Variants in ITPK1 observed in about 807,000 individuals in gnomAD.
ITPK1 encodes inositol 1,3,4-trisphosphate 5/6-kinase.
In ITPK1, 21 loss-of-function variants were observed where a neutral mutation model predicts 45.3. The observed-to-expected ratio is 0.46, with a 90% CI of 0.33 to 0.67. The LOEUF (loss-of-function observed/expected upper bound fraction) is 0.67, where lower values mean the gene tolerates loss of function less well. Ranked by LOEUF, ITPK1 falls within the 30% of genes least tolerant of loss-of-function variation. The pLI is 0.02. For synonymous variants in ITPK1, 258 were observed against 253.6 expected (o/e 1.02, Z -0.16); for missense variants, 474 against 573.5 (o/e 0.83, Z 1.77).
intron 5 of ITPK1, among the ~76,000 whole-genome samples, chr14:92,970,272 C>T (rs1040665408): frequency 1.3e-5 from 2 of 152,230 alleles, no homozygotes; most frequent in Non-Finnish European, 2.9e-5. Flanking sequence ...CTTGGGCACA[C>T]GACTTAACTC....
chr14:93,058,565 G>A (rs1226528972), intron 3 of ITPK1, among the ~76,000 whole-genome samples: 1 of 7,822 alleles, frequency 1.3e-4, no homozygotes, highest in Non-Finnish European at 2.9e-4. Flanking sequence ...GAAGCGGTGC[G>A]GGTTACAAGG....
chr14:93,025,482 A>G (rs1192214236), intron 3 of ITPK1, among the ~76,000 whole-genome samples: 1 of 152,166 alleles, frequency 6.6e-6, no homozygotes, highest in Non-Finnish European at 1.5e-5. Context: ...AGTTTTTATC[A>G]TTAAATCTTA....
intron 2 of ITPK1, among the ~76,000 whole-genome samples, chr14:93,109,717 G>T (rs1016534188): frequency 7.2e-5 from 11 of 152,162 alleles, no homozygotes; most frequent in African/African-American, 2.4e-4. Context: ...ACAGAACCCC[G>T]CTGTGATGCT....
intron 3 of ITPK1, among the ~76,000 whole-genome samples, chr14:93,018,562 A>G (rs867694553): frequency 3.9e-5 from 6 of 152,298 alleles, no homozygotes; most frequent in African/African-American, 1.2e-4. Context: ...AGACCTCACA[A>G]TAAGAAACTA....
At chr14:93,107,862 C>T (rs1368620106) in intron 2 of ITPK1, among the ~76,000 whole-genome samples, 1 of 152,218 alleles carries the variant, frequency 6.6e-6, no homozygotes, top group Non-Finnish European at 1.5e-5. Flanking sequence ...AGGGCAGCTG[C>T]TTTCTGAGCA....
At chr14:92,955,228 T>C (rs112099580) in intron 8 of ITPK1, among the ~76,000 whole-genome samples, 3 of 152,374 alleles carry the variant, frequency 2.0e-5, no homozygotes, top group African/African-American at 7.2e-5. Flanking sequence ...CAGCTGCTTT[T>C]GCACTACAAC....
chr14:92,985,012 C>G (rs551075798), intron 5 of ITPK1, among the ~76,000 whole-genome samples: 10 of 152,298 alleles, frequency 6.6e-5, no homozygotes, highest in Non-Finnish European at 1.0e-4. Context: ...GCTGAGCAGA[C>G]AGAAGACATC....
chr14:93,025,183 C>T (rs180946785), intron 3 of ITPK1, among the ~76,000 whole-genome samples: 192 of 151,602 alleles, frequency 1.3e-3, no homozygotes, highest in African/African-American at 4.6e-3. Flanking sequence ...CGACACAGCA[C>T]ACCACTGTCA....
At chr14:93,024,018 G>C (rs1480940213) in intron 3 of ITPK1, among the ~76,000 whole-genome samples, 1 of 152,154 alleles carries the variant, frequency 6.6e-6, no homozygotes, top group Non-Finnish European at 1.5e-5. Flanking sequence ...GTCCTGTCCT[G>C]GGGGGAAAGT....
At chr14:92,973,965 G>A (rs879544247) in intron 5 of ITPK1, among the ~76,000 whole-genome samples, 11 of 152,182 alleles carry the variant, frequency 7.2e-5, no homozygotes, top group East Asian at 3.9e-4. Flanking sequence ...TGCCTTGCCC[G>A]CAGGCAGGGC....
At chr14:93,097,525 C>T (rs78319906) in intron 2 of ITPK1, among the ~76,000 whole-genome samples, 9,907 of 152,218 alleles carry the variant, frequency 0.065, 1,052 homozygotes, top group African/African-American at 0.22. Context: ...ACCAGAGCTA[C>T]GCAGCAAAGC....
chr14:93,022,381 C>T (rs1390373244), intron 3 of ITPK1, among the ~76,000 whole-genome samples: 1 of 152,160 alleles, frequency 6.6e-6, no homozygotes, highest in African/African-American at 2.4e-5. Flanking sequence ...AAGGGCTAGT[C>T]AAGAGCCACT....
intron 5 of ITPK1, among the ~76,000 whole-genome samples, chr14:92,964,777 C>A (rs1885261238): frequency 1.3e-5 from 2 of 152,186 alleles, no homozygotes; most frequent in Admixed American, 1.3e-4. Flanking sequence ...GCAGGTGAAT[C>A]AGCTTGGCTT....
At chr14:92,952,353 C>A (rs746055994) in intron 8 of ITPK1, among the ~76,000 whole-genome samples, 2 of 152,168 alleles carry the variant, frequency 1.3e-5, no homozygotes, top group African/African-American at 2.4e-5. Flanking sequence ...GGTGGGACAG[C>A]TAAACACCTG....
intron 9 of ITPK1, among the ~76,000 whole-genome samples, chr14:92,949,311 G>A (rs1887846706): frequency 6.6e-6 from 1 of 152,140 alleles, no homozygotes. Flanking sequence ...CGTTTCCCAG[G>A]CTGGTCTCAA....
At chr14:92,995,266 C>CCCCCT (rs755353905) in intron 4 of ITPK1, among the ~76,000 whole-genome samples, 3 of 152,204 alleles carry the variant, frequency 2.0e-5, no homozygotes, top group Non-Finnish European at 4.4e-5. Context: ...CCCAGCCAGC[C>CCCCCT]CCCCTGCCCT....
chr14:92,957,114 G>A (rs916200710), intron 8 of ITPK1, among the ~76,000 whole-genome samples: 1 of 152,250 alleles, frequency 6.6e-6, no homozygotes, highest in African/African-American at 2.4e-5. Flanking sequence ...CCTCCATGCC[G>A]GGCGGCACAC....
At position 92,938,825 on chromosome 14, in the gene ITPK1, C is replaced by T. The variant is rs1234703128; in HGVS notation, c.*2736G>A. On this transcript the variant is annotated 3_prime_UTR_variant, in exon 11 of 11. Transcript: ENST00000267615. Reference sequence around the variant, plus strand: ...GGGTTATGTTTGCAGAATCACATCACCATATAATCAAAGCACTGTCAGGCA... The same window carrying T: ...GGGTTATGTTTGCAGAATCACATCATCATATAATCAAAGCACTGTCAGGCA... The T allele has an allele frequency of 1.8e-6, 1 of 543,434 alleles. No individual in the cohort carries two copies. Among genetic ancestry groups the T allele is most frequent in the Admixed American group, 3.3e-5 (1 of 30,714 alleles). The allele number at this position is 543,434 out of a possible 1,614,324, so 33.7% of individuals were successfully genotyped here.
At chr14:93,095,959 G>C (rs114811512) in intron 2 of ITPK1, among the ~76,000 whole-genome samples, 2 of 152,064 alleles carry the variant, frequency 1.3e-5, no homozygotes, top group Admixed American at 1.3e-4. Flanking sequence ...AGTATTTCAC[G>C]GACTATGTTG....
Sources: allele counts gnomAD v4.1 joint callset (sites outside exome capture counted in the v4.1 genomes callset), GRCh38; gene constraint gnomAD v4.1.1; transcripts MANE v1.5; gene names NCBI Gene and HGNC (gene_info 2026-07-23, HGNC 2026-07-21).